Variants in RALYL observed in about 807,000 individuals in gnomAD.
RALYL encodes the protein RALY RNA binding protein like, also known as RNA-binding Raly-like protein.
In RALYL, 29 loss-of-function variants were observed where a neutral mutation model predicts 35.1. The ratio of observed to expected loss-of-function variants is 0.83; its 90% CI spans 0.61 to 1.13. The LOEUF (loss-of-function observed/expected upper bound fraction) is 1.13, where lower values mean the gene tolerates loss of function less well. RALYL is among the 50% of genes most tolerant of loss of function. The pLI is 0.00. For synonymous variants in RALYL, 120 were observed against 127.6 expected, an observed-to-expected ratio of 0.94 and a Z score of 0.40; for missense variants, 359 against 360.4, an observed-to-expected ratio of 1.00 and a Z score of 0.03.
chr8:84,610,411 C>T lies in RALYL; in HGVS notation c.256+80834C>T, dbSNP rs537231367. On this transcript the variant is annotated intron_variant, in intron 2 of 8. Coordinates refer to ENST00000521268, the MANE Select transcript of RALYL (RefSeq NM_173848.7). ...ATAGAGTTTTTTGGAAGGAACATCA[C>T]GGAGGTAAGGCAATTTTTAGCACAT... Among the ~76,000 whole-genome samples the T allele has an allele frequency of 6.6e-5, 10 of 152,106 alleles. No individual in the cohort carries two copies. In the East Asian group the frequency reaches 1.6e-3, roughly 24 times the overall value.
At chr8:84,507,421 C>T (rs945782691) in intron 1 of RALYL, among the ~76,000 whole-genome samples, 3 of 151,970 alleles carry the variant, frequency 2.0e-5, no homozygotes, top group East Asian at 1.9e-4. Context: ...AGTAAGACAA[C>T]GCCCAGAAAT....
chr8:84,719,938 A>T (rs1468917392), intron 2 of RALYL, among the ~76,000 whole-genome samples: 5 of 152,010 alleles, frequency 3.3e-5, no homozygotes, highest in Non-Finnish European at 7.4e-5. Flanking sequence ...CCACTCTCCA[A>T]TCTTTGGTAG....
chr8:84,552,119 G>GT (rs35344751), intron 2 of RALYL, among the ~76,000 whole-genome samples: 255 of 142,426 alleles, frequency 1.8e-3, no homozygotes, highest in East Asian at 4.9e-3. Context: ...AGGAGAGGAA[G>GT]TTTTTTTTTT....
chr8:84,340,423 A>G (rs967744272), intron 1 of RALYL, among the ~76,000 whole-genome samples: 1 of 152,096 alleles, frequency 6.6e-6, no homozygotes, highest in Non-Finnish European at 1.5e-5. Context: ...ATATCCATTG[A>G]ACTGCAACTC....
intron 2 of RALYL, among the ~76,000 whole-genome samples, chr8:84,555,069 A>G (rs1189253483): frequency 6.6e-6 from 1 of 152,138 alleles, no homozygotes; most frequent in African/African-American, 2.4e-5. Flanking sequence ...TCACGAGGTC[A>G]GGCGTTCAAG....
At chr8:84,187,248 G>T (rs1324298158) in intron 1 of RALYL, among the ~76,000 whole-genome samples, 1 of 152,026 alleles carries the variant, frequency 6.6e-6, no homozygotes, top group Non-Finnish European at 1.5e-5. Flanking sequence ...TAAAATGTGG[G>T]TATTGTTTAA....
At chr8:84,340,216 C>T (rs1373319513) in intron 1 of RALYL, among the ~76,000 whole-genome samples, 4 of 152,002 alleles carry the variant, frequency 2.6e-5, no homozygotes, top group Non-Finnish European at 5.9e-5. Context: ...TTCTTCATAG[C>T]AGTATGAAAA....
intron 1 of RALYL, among the ~76,000 whole-genome samples, chr8:84,305,066 A>T (rs1841527768): frequency 6.6e-6 from 1 of 152,182 alleles, no homozygotes. Flanking sequence ...GAGAAATGAG[A>T]TGATAAAATA....
chr8:84,222,677 G>A (rs1196326938), intron 1 of RALYL, among the ~76,000 whole-genome samples: 2 of 152,154 alleles, frequency 1.3e-5, no homozygotes, highest in Admixed American at 6.6e-5. Context: ...CTGAAAGGGT[G>A]TATTAAGTCA....
At chr8:84,646,472 G>C (rs1382628184) in intron 2 of RALYL, among the ~76,000 whole-genome samples, 1 of 151,918 alleles carries the variant, frequency 6.6e-6, no homozygotes, top group East Asian at 1.9e-4. Context: ...TGTATTATAG[G>C]TCTCTTAAGT....
chr8:84,852,923 C>A (rs1396416503), intron 5 of RALYL, among the ~76,000 whole-genome samples: 1 of 152,118 alleles, frequency 6.6e-6, no homozygotes, highest in African/African-American at 2.4e-5. Flanking sequence ...ACAACAAAAA[C>A]CATGGGGAGT....
At chr8:84,826,292 G>GAAA (rs1169764529) in intron 4 of RALYL, among the ~76,000 whole-genome samples, 5 of 65,988 alleles carry the variant, frequency 7.6e-5, no homozygotes, top group Non-Finnish European at 6.0e-5. Context: ...CCCTGAATCT[G>GAAA]AAAAAAAAAA....
At chr8:84,696,981 A>T (rs1304682188) in intron 2 of RALYL, among the ~76,000 whole-genome samples, 1 of 152,016 alleles carries the variant, frequency 6.6e-6, no homozygotes, top group Non-Finnish European at 1.5e-5. Flanking sequence ...TTATACCTGA[A>T]AATTCATTCT....
At chr8:84,664,528 G>A (rs1588866781) in intron 2 of RALYL, among the ~76,000 whole-genome samples, 1 of 151,844 alleles carries the variant, frequency 6.6e-6, no homozygotes, top group East Asian at 1.9e-4. Flanking sequence ...GGTTCTCCTT[G>A]TAGAGATATT....
intron 1 of RALYL, among the ~76,000 whole-genome samples, chr8:84,213,900 A>G (rs1317980748): frequency 6.6e-6 from 1 of 152,212 alleles, no homozygotes. Flanking sequence ...TAAGAGTGAC[A>G]TTTCAATGAT....
At chr8:84,267,823 T>C (rs972972789) in intron 1 of RALYL, among the ~76,000 whole-genome samples, 2 of 152,156 alleles carry the variant, frequency 1.3e-5, no homozygotes, top group Non-Finnish European at 1.5e-5. Flanking sequence ...AGGTGTTTTT[T>C]TGTTGTTGTT....
At chr8:84,330,310 G>C (rs1450872154) in intron 1 of RALYL, among the ~76,000 whole-genome samples, 1 of 151,956 alleles carries the variant, frequency 6.6e-6, no homozygotes, top group Admixed American at 6.6e-5. Context: ...TTCTGAAGGA[G>C]TGTTTGACAA....
At chr8:84,845,341 A>T (rs941227907) in intron 4 of RALYL, among the ~76,000 whole-genome samples, 2 of 151,934 alleles carry the variant, frequency 1.3e-5, no homozygotes, top group African/African-American at 4.8e-5. Flanking sequence ...TGCATCCTCT[A>T]CATCTGTTGT....
chr8:84,313,238 A>G (rs1400876190), intron 1 of RALYL, among the ~76,000 whole-genome samples: 1 of 152,210 alleles, frequency 6.6e-6, no homozygotes, highest in Non-Finnish European at 1.5e-5. Flanking sequence ...GACCTGGCCC[A>G]CGAAACCATT....
Sources: gnomAD v4.1 joint callset for allele counts (sites outside exome capture counted in the v4.1 genomes callset) on GRCh38, gnomAD v4.1.1 for gene constraint, MANE v1.5 for transcripts, NCBI Gene and HGNC (gene_info 2026-07-23, HGNC 2026-07-21) for gene names.